RORA: variants seen among roughly 807,000 people sequenced by gnomAD.
The protein encoded by RORA is RAR related orphan receptor A, also known as nuclear receptor ROR-alpha.
A neutral mutation model predicts 69.5 loss-of-function variants in RORA; 7 were observed. The observed-to-expected ratio is 0.10, with a 90% CI of 0.06 to 0.19. RORA has a LOEUF of 0.19. Among genes scored for constraint, RORA ranks in the 10% least tolerant of loss-of-function variants. The pLI, the probability that RORA is intolerant of heterozygous loss-of-function variation, is 1.00. For synonymous variants in RORA, 261 were observed against 240.8 expected (o/e 1.08, Z -0.78); for missense variants, 457 against 663.0 (o/e 0.69, Z 3.41).
At chr15:60,507,978 C>T (rs903642117) in intron 5 of RORA, among the ~76,000 whole-genome samples, 6 of 152,240 alleles carry the variant, frequency 3.9e-5, no homozygotes, top group African/African-American at 1.4e-4. Context: ...GTGTACCTGA[C>T]ATACCAGTAG....
At chr15:61,169,743 C>G (rs2079569341) in intron 1 of RORA, among the ~76,000 whole-genome samples, 1 of 151,198 alleles carries the variant, frequency 6.6e-6, no homozygotes. Context: ...CCTTCAAACC[C>G]CCCAGCAACT....
intron 1 of RORA, among the ~76,000 whole-genome samples, chr15:60,852,054 C>T (rs1317053617): frequency 6.6e-6 from 1 of 152,192 alleles, no homozygotes; most frequent in African/African-American, 2.4e-5. Flanking sequence ...TTTCCAATTT[C>T]ACAATCCCTG....
chr15:60,632,170 A>G (rs758069127), intron 2 of RORA, among the ~76,000 whole-genome samples: 1 of 151,110 alleles, frequency 6.6e-6, no homozygotes, highest in Non-Finnish European at 1.5e-5. Flanking sequence ...GCAGTGGCGC[A>G]TCCTGGCTCA....
chr15:60,545,560 A>C (rs2067042193), intron 2 of RORA, among the ~76,000 whole-genome samples: 1 of 152,188 alleles, frequency 6.6e-6, no homozygotes, highest in African/African-American at 2.4e-5. Context: ...GAGAAATATC[A>C]ATCCATTTTA....
At chr15:61,137,074 A>G (rs1227444650) in intron 1 of RORA, among the ~76,000 whole-genome samples, 1 of 149,410 alleles carries the variant, frequency 6.7e-6, no homozygotes, top group African/African-American at 2.6e-5. Flanking sequence ...AAAGAAAGAA[A>G]GAAAGAAAGA....
At chr15:61,044,536 C>A (rs814300) in intron 1 of RORA, among the ~76,000 whole-genome samples, 6,040 of 152,260 alleles carry the variant, frequency 0.04, 184 homozygotes, top group East Asian at 0.12. Flanking sequence ...AATTTTTTTA[C>A]ATGAATTACA....
chr15:61,141,311 A>G (rs1198205464), intron 1 of RORA, among the ~76,000 whole-genome samples: 1 of 152,204 alleles, frequency 6.6e-6, no homozygotes, highest in African/African-American at 2.4e-5. Flanking sequence ...TCGATGTAGA[A>G]TTTGGAATGA....
intron 1 of RORA, among the ~76,000 whole-genome samples, chr15:60,773,863 G>A (rs1441774254): frequency 1.3e-5 from 2 of 152,234 alleles, no homozygotes; most frequent in African/African-American, 2.4e-5. Flanking sequence ...CCCAAGGGCA[G>A]AGGCCAAGAA....
intron 3 of RORA, among the ~76,000 whole-genome samples, chr15:60,521,501 A>T (rs1027073375): frequency 1.3e-5 from 2 of 152,048 alleles, no homozygotes; most frequent in Non-Finnish European, 2.9e-5. Context: ...CGGCCTCCCA[A>T]AGTGCTCGGA....
chr15:61,151,714 G>C (rs2079399597), intron 1 of RORA, among the ~76,000 whole-genome samples: 1 of 152,140 alleles, frequency 6.6e-6, no homozygotes, highest in Non-Finnish European at 1.5e-5. Flanking sequence ...AAAACGAAAA[G>C]TTTCAAAGAT....
intron 3 of RORA, among the ~76,000 whole-genome samples, chr15:60,522,983 A>G (rs924745085): frequency 6.6e-6 from 1 of 150,862 alleles, no homozygotes. Context: ...GGTTGCAGTG[A>G]GCCGAGATCA....
intron 1 of RORA, among the ~76,000 whole-genome samples, chr15:61,007,256 T>C (rs34795067): frequency 0.05 from 7,616 of 152,210 alleles, 259 homozygotes; most frequent in Middle Eastern, 0.082. Flanking sequence ...AATTCAGAGG[T>C]TCAAAATGGA....
chr15:60,774,993 G>T (rs192489906), intron 1 of RORA, among the ~76,000 whole-genome samples: 2 of 152,044 alleles, frequency 1.3e-5, no homozygotes, highest in Non-Finnish European at 2.9e-5. Flanking sequence ...TGTAACATTC[G>T]TTGAAGAAAG....
chr15:60,559,046 AAAT>A (rs527519228), intron 2 of RORA, among the ~76,000 whole-genome samples: 17 of 152,270 alleles, frequency 1.1e-4, no homozygotes, highest in African/African-American at 3.1e-4. Flanking sequence ...TATACTTTAT[AAAT>A]AATAAAAATC....
At chr15:60,850,352 G>T (rs2073311114) in intron 1 of RORA, among the ~76,000 whole-genome samples, 1 of 152,134 alleles carries the variant, frequency 6.6e-6, no homozygotes. Flanking sequence ...GGCATGGGAG[G>T]TTTGATTCTG....
intron 2 of RORA, among the ~76,000 whole-genome samples, chr15:60,579,856 G>A (rs1436561928): frequency 6.6e-6 from 1 of 152,058 alleles, no homozygotes; most frequent in Non-Finnish European, 1.5e-5. Context: ...TCTAACTTCT[G>A]TTTACCGATG....
At chr15:61,126,281 C>T (rs958028268) in intron 1 of RORA, among the ~76,000 whole-genome samples, 23 of 152,186 alleles carry the variant, frequency 1.5e-4, no homozygotes, top group African/African-American at 5.5e-4. Context: ...TGTATACAAC[C>T]TGATATTTTG....
At chr15:60,638,284 ATAAT>A (rs1401351067) in intron 2 of RORA, among the ~76,000 whole-genome samples, 1 of 152,130 alleles carries the variant, frequency 6.6e-6, no homozygotes, top group Non-Finnish European at 1.5e-5. Context: ...TGTGTGCCAA[ATAAT>A]TTTGTTTTCT....
At chr15:60,728,298 AT>A (rs1213597547) in intron 1 of RORA, among the ~76,000 whole-genome samples, 1 of 152,190 alleles carries the variant, frequency 6.6e-6, no homozygotes, top group Non-Finnish European at 1.5e-5. Flanking sequence ...AGAGACAAAT[AT>A]TCTCTTACCG....
Sources: allele counts gnomAD v4.1 joint callset (sites outside exome capture counted in the v4.1 genomes callset), GRCh38; gene constraint gnomAD v4.1.1; transcripts MANE v1.5; gene names NCBI Gene and HGNC (gene_info 2026-07-23, HGNC 2026-07-21).